The following PDS5B variants were observed in gnomAD, a reference collection of about 807,000 sequenced individuals.
PDS5B encodes PDS5 cohesin associated factor B, also known as sister chromatid cohesion protein PDS5 homolog B.
A neutral mutation model predicts 184.1 loss-of-function variants in PDS5B; 51 were observed. That is an observed-to-expected ratio of 0.28 (90% CI 0.22 to 0.35). The LOEUF (loss-of-function observed/expected upper bound fraction) is 0.35, where lower values mean the gene tolerates loss of function less well. Ranked by LOEUF, PDS5B falls within the 10% of genes least tolerant of loss-of-function variation. The pLI, the probability that PDS5B is intolerant of heterozygous loss-of-function variation, is 1.00. For synonymous variants in PDS5B, 566 were observed against 569.2 expected, an observed-to-expected ratio of 0.99 and a Z score of 0.08; for missense variants, 1,180 against 1,723.3, an observed-to-expected ratio of 0.68 and a Z score of 5.58.
chr13:32,681,694 T>G (rs754954966), intron 10 of PDS5B, among the ~76,000 whole-genome samples: 61 of 151,898 alleles, frequency 4.0e-4, no homozygotes, highest in Admixed American at 4.6e-4. Flanking sequence ...TATTTTCTTT[T>G]AAACCCCATA....
intron 1 of PDS5B, among the ~76,000 whole-genome samples, chr13:32,595,369 A>G (rs2057847435): frequency 6.6e-6 from 1 of 151,946 alleles, no homozygotes; most frequent in Non-Finnish European, 1.5e-5. Context: ...TAAGACGGCA[A>G]AAAGGAAAAA....
intron 10 of PDS5B, 63 bp from the exon 11 acceptor site, chr13:32,683,815 T>C (rs1951314896): frequency 1.8e-6 from 2 of 1,083,174 alleles, no homozygotes; most frequent in Admixed American, 3.9e-5. Flanking sequence ...AAGGGTATCA[T>C]GCAGTGTTTT....
intron 7 of PDS5B, among the ~76,000 whole-genome samples, chr13:32,669,603 A>T (rs1260202530): frequency 6.6e-6 from 1 of 152,186 alleles, no homozygotes; most frequent in Non-Finnish European, 1.5e-5. Context: ...ACATTTCTTT[A>T]TCACTTATAC....
intron 21 of PDS5B, among the ~76,000 whole-genome samples, chr13:32,739,971 A>T (rs1464949221): frequency 1.3e-5 from 2 of 151,948 alleles, no homozygotes; most frequent in Non-Finnish European, 2.9e-5. Flanking sequence ...ATAGTTTCTT[A>T]TTTATGTAAG....
Position 32,775,842 on chromosome 13 carries a change from C to G in PDS5B, c.*790C>G. 3.5e-6 allele frequency: 1 copy of G among 289,366 alleles called. No homozygotes were observed. The highest frequency in any genetic ancestry group is 6.8e-6 in the Non-Finnish European group (1 of 147,026). 17.9% of individuals were successfully genotyped at this position (289,366 alleles called of 1,614,324 possible). On this transcript the variant is annotated 3_prime_UTR_variant, in exon 35 of 35. Coordinates refer to ENST00000315596, the MANE Select transcript of PDS5B (RefSeq NM_015032.4). ...AAAATAATGTACTGAATTCTTTATC[C>G]CATTTTATCATCCTTTCAGTTTTTA... is the stretch of plus-strand genomic sequence containing the variant.
chr13:32,702,143 A>G (rs1951880045), intron 17 of PDS5B, among the ~76,000 whole-genome samples: 1 of 152,166 alleles, frequency 6.6e-6, no homozygotes, highest in East Asian at 1.9e-4. Context: ...ATTATAATCT[A>G]AAATAAATAA....
At chr13:32,661,960 T>C (rs1165521651) in intron 6 of PDS5B, among the ~76,000 whole-genome samples, 1 of 152,160 alleles carries the variant, frequency 6.6e-6, no homozygotes, top group Non-Finnish European at 1.5e-5. Context: ...AAATGAACCA[T>C]TTATGTTAAA....
chr13:32,710,931 A>G (rs1461597181), intron 19 of PDS5B, among the ~76,000 whole-genome samples: 5 of 152,072 alleles, frequency 3.3e-5, no homozygotes, highest in Non-Finnish European at 7.4e-5. Flanking sequence ...CTTTCTGTTC[A>G]TGTGTACTTT....
At chr13:32,631,307 G>T (rs1035448938) in intron 1 of PDS5B, among the ~76,000 whole-genome samples, 4 of 151,360 alleles carry the variant, frequency 2.6e-5, no homozygotes, top group Non-Finnish European at 4.4e-5. Context: ...TGCCCAGGCT[G>T]GTCTCAAACT....
chr13:32,642,607 A>G (rs562178588), intron 1 of PDS5B, among the ~76,000 whole-genome samples: 2 of 152,160 alleles, frequency 1.3e-5, no homozygotes, highest in African/African-American at 2.4e-5. Flanking sequence ...TCTCCTTACA[A>G]TGCTGTTCAT....
intron 1 of PDS5B, among the ~76,000 whole-genome samples, chr13:32,636,799 A>G (rs2058568635): frequency 6.6e-6 from 1 of 152,234 alleles, no homozygotes; most frequent in South Asian, 2.1e-4. Context: ...TACATTTATG[A>G]TAAATTCTTT....
intron 2 of PDS5B, among the ~76,000 whole-genome samples, chr13:32,650,851 C>T (rs184533563): frequency 6.6e-6 from 1 of 152,172 alleles, no homozygotes; most frequent in African/African-American, 2.4e-5. Context: ...AAGTGGAAAT[C>T]GTTGCAGCAT....
chr13:32,758,141 C>A lies in PDS5B; in HGVS notation c.3111C>A (p.His1037Gln). 6.5e-7 allele frequency: 1 copy of A among 1,537,724 alleles called. No individual in the cohort carries two copies. Residue 1037 changes from histidine to glutamine, a missense_variant, in exon 27 of 35, where the codon CAC becomes CAA. Transcript: ENST00000315596. ...ILMAKNENNS[H>Q]AFIRKMVENI... Reference sequence around the variant, plus strand: ...TGGCTAAAAATGAAAATAACAGTCACGCTTTTATCAGAAAGATGGTAGAAA... The same window carrying A: ...TGGCTAAAAATGAAAATAACAGTCAAGCTTTTATCAGAAAGATGGTAGAAA...
intron 29 of PDS5B, among the ~76,000 whole-genome samples, chr13:32,759,988 T>TCTCG (rs1227595111): frequency 6.6e-6 from 1 of 150,408 alleles, no homozygotes; most frequent in Admixed American, 6.6e-5. Flanking sequence ...TGAGACGGAG[T>TCTCG]CTCTGTTGCC....
chr13:32,749,731 T>C (rs1460629831), intron 24 of PDS5B, among the ~76,000 whole-genome samples: 1 of 152,122 alleles, frequency 6.6e-6, no homozygotes, highest in East Asian at 1.9e-4. Context: ...TGAGATACTT[T>C]GTACTAGAAA....
chr13:32,621,177 G>A (rs1460898300), intron 1 of PDS5B, among the ~76,000 whole-genome samples: 4 of 152,110 alleles, frequency 2.6e-5, no homozygotes, highest in Non-Finnish European at 5.9e-5. Flanking sequence ...TGAAAGAGAT[G>A]GAATGGCTGG....
At chr13:32,764,153 A>T (rs1366047474) in intron 30 of PDS5B, among the ~76,000 whole-genome samples, 1 of 152,156 alleles carries the variant, frequency 6.6e-6, no homozygotes, top group East Asian at 1.9e-4. Context: ...AGAATAGGGT[A>T]AGGAACCAGG....
At chr13:32,607,796 A>G (rs1301838257) in intron 1 of PDS5B, among the ~76,000 whole-genome samples, 3 of 152,176 alleles carry the variant, frequency 2.0e-5, no homozygotes, top group Admixed American at 2.0e-4. Flanking sequence ...GCTGCCTTGC[A>G]GTTCGATCTC....
At chr13:32,710,701 G>C (rs185535440) in intron 19 of PDS5B, among the ~76,000 whole-genome samples, 1 of 152,246 alleles carries the variant, frequency 6.6e-6, no homozygotes, top group East Asian at 1.9e-4. Context: ...TCTAGTTCTT[G>C]GAGAGAAGAT....
Sources: gnomAD v4.1 joint callset for allele counts (sites outside exome capture counted in the v4.1 genomes callset) on GRCh38, gnomAD v4.1.1 for gene constraint, MANE v1.5 for transcripts, NCBI Gene and HGNC (gene_info 2026-07-23, HGNC 2026-07-21) for gene names.